USP3: variants seen among roughly 807,000 people sequenced by gnomAD.
USP3 encodes ubiquitin carboxyl-terminal hydrolase 3.
Under a neutral mutation model 72.3 loss-of-function variants are expected in USP3, and 20 were observed. The observed-to-expected ratio is 0.28, with a 90% confidence interval of 0.19 to 0.40. The LOEUF (loss-of-function observed/expected upper bound fraction) is 0.40, where lower values mean the gene tolerates loss of function less well. USP3 is among the 10% of genes least tolerant of loss of function. The pLI is 1.00. For synonymous variants in USP3, 222 were observed against 225.3 expected (o/e 0.99, Z 0.13); for missense variants, 479 against 633.9 (o/e 0.76, Z 2.62).
chr15:63,530,458 A>G (rs2066053754), intron 1 of USP3: 4 of 318,408 alleles, frequency 1.3e-5, no homozygotes, highest in South Asian at 9.2e-5. Flanking sequence ...GACTGTAGGC[A>G]CGTGCCACCA....
Position 63,594,447 on chromosome 15 carries a change from C to G in USP3, c.*3621C>G, listed in dbSNP as rs2067257042. 6.6e-6 allele frequency: 1 copy of G among 152,216 alleles called. No homozygotes were observed. Among genetic ancestry groups the G allele is most frequent in the Non-Finnish European group, 1.5e-5 (1 of 68,056 alleles). 9.4% of individuals were successfully genotyped at this position (152,216 alleles called of 1,614,324 possible). On this transcript the variant is annotated 3_prime_UTR_variant, in exon 15 of 15. Transcript: ENST00000380324. ...CCCTCAGGTGTGAGCGTGATGGACT[C>G]TAGACTGCCTTCCATGAGTGTTGGT...
intron 1 of USP3, among the ~76,000 whole-genome samples, chr15:63,531,509 G>A (rs1042899092): frequency 3.3e-5 from 5 of 152,152 alleles, no homozygotes; most frequent in Non-Finnish European, 7.4e-5. Context: ...ATCTTTGGGA[G>A]GAGCTATTAA....
At chr15:63,590,092 G>A (rs927702437) in intron 14 of USP3, among the ~76,000 whole-genome samples, 4 of 152,168 alleles carry the variant, frequency 2.6e-5, no homozygotes, top group African/African-American at 9.7e-5. Context: ...GATTTTGTAG[G>A]CGTGCAAAAG....
intron 1 of USP3, among the ~76,000 whole-genome samples, chr15:63,531,931 A>C (rs986064484): frequency 6.6e-6 from 1 of 152,180 alleles, no homozygotes; most frequent in Non-Finnish European, 1.5e-5. Context: ...GGTGTTTTCA[A>C]AAAGCTTTCC....
At position 63,592,550 on chromosome 15, in the gene USP3, G is replaced by A. The variant is rs1454083101; in HGVS notation, c.*1724G>A. Reference sequence around the variant, plus strand: ...TGTAGCCTCAACCTCCCAGGCTCAAGCGATCCTCCCACTTCAGCCTCGAAG... The same window carrying A: ...TGTAGCCTCAACCTCCCAGGCTCAAACGATCCTCCCACTTCAGCCTCGAAG... On this transcript the variant is annotated 3_prime_UTR_variant, in exon 15 of 15. Coordinates refer to ENST00000380324, the MANE Select transcript of USP3 (RefSeq NM_006537.4). 1 of 150,864 alleles carries A rather than the reference G, an allele frequency of 6.6e-6. No individual in the cohort carries two copies. The highest frequency in any genetic ancestry group is 2.4e-5 in the African/African-American group (1 of 40,912). 9.3% of individuals were successfully genotyped at this position (150,864 alleles called of 1,614,324 possible). A position where few individuals can be genotyped will look rare whatever the true frequency, so the allele number is the denominator to read the frequency against.
intron 3 of USP3, among the ~76,000 whole-genome samples, chr15:63,545,963 C>T (rs772621294): frequency 1.0e-3 from 80 of 77,260 alleles, no homozygotes; most frequent in Non-Finnish European, 1.4e-3. Flanking sequence ...AGAGCCAGAC[C>T]TTGTCTCAAA....
chr15:63,516,445 C>T (rs2065851508), intron 1 of USP3, among the ~76,000 whole-genome samples: 1 of 152,104 alleles, frequency 6.6e-6, no homozygotes, highest in African/African-American at 2.4e-5. Flanking sequence ...TGGAGTACAT[C>T]AAGCTCCTTT....
chr15:63,565,550 A>G (rs945452553), intron 8 of USP3, among the ~76,000 whole-genome samples: 6 of 152,200 alleles, frequency 3.9e-5, no homozygotes, highest in African/African-American at 1.4e-4. Flanking sequence ...TTCCCTAGCC[A>G]TTCATTCTGT....
chr15:63,555,147 G>A (rs1171525417), intron 4 of USP3, among the ~76,000 whole-genome samples: 2 of 152,106 alleles, frequency 1.3e-5, no homozygotes, highest in African/African-American at 4.8e-5. Context: ...TCAGATGAAA[G>A]GTGTCACAGA....
At chr15:63,513,188 C>G (rs1255569679) in intron 1 of USP3, among the ~76,000 whole-genome samples, 1 of 152,124 alleles carries the variant, frequency 6.6e-6, no homozygotes, top group Non-Finnish European at 1.5e-5. Context: ...GCCTGTTTAT[C>G]CTTCACCCAC....
At chr15:63,546,840 C>T (rs984722699) in intron 3 of USP3, among the ~76,000 whole-genome samples, 30 of 152,102 alleles carry the variant, frequency 2.0e-4, no homozygotes, top group African/African-American at 7.0e-4. Context: ...AGTCTCCTGA[C>T]CTCGTGATCT....
chr15:63,556,857 G>T, intron 5 of USP3, 109 bp downstream of exon 5: 3 of 835,330 alleles, frequency 3.6e-6, no homozygotes, highest in Non-Finnish European at 5.5e-6. Context: ...ATAAATGTGT[G>T]TCTTGGATTT....
chr15:63,590,778 C>T lies in USP3; in HGVS notation c.1515C>T (p.Ile505=), dbSNP rs757457461. The change falls in exon 15 of 15, where the codon ATC becomes ATT. Residue 505 remains isoleucine, a synonymous_variant. Transcript: ENST00000380324. ...EETVVKAKAY[I]LFYVEHQAKA... Reference sequence around the variant, plus strand: ...CTGTGGTGAAGGCGAAGGCCTACATCCTTTTCTACGTGGAACACCAGGCCA... The same window carrying T: ...CTGTGGTGAAGGCGAAGGCCTACATTCTTTTCTACGTGGAACACCAGGCCA... 20 of 1,613,992 alleles carry T rather than the reference C, an allele frequency of 1.2e-5. No homozygotes were observed. In the South Asian group the frequency reaches 1.5e-4, roughly 12 times the overall value.
chr15:63,544,856 T>C lies in USP3; in HGVS notation c.284+7700T>C. The C allele has an allele frequency of 1.6e-6, 1 of 631,576 alleles. No homozygotes were observed. The highest frequency in any genetic ancestry group is 1.8e-5 in the South Asian group (1 of 55,248). 39.1% of individuals were successfully genotyped at this position (631,576 alleles called of 1,614,324 possible). On this transcript the variant is annotated intron_variant, in intron 3 of 14. Transcript: ENST00000380324. This position sits in a 1 kb window ranked among gnomAD's most constrained non-coding sequence, Gnocchi z 4.2. ...GAATATCTAAGCAAGGCTGACATTG[T>C]GGGGACCATCAAATACTATACTTAG...
Position 63,559,982 on chromosome 15 carries a change from G to C in USP3, c.647+12G>C. The stretch of plus-strand genomic sequence containing the variant: ...GGGGATAACAATGTGTGAGTTATAA[G>C]AGTATGTCCTTTCTGGCTTTGAGTT... On this transcript the variant is annotated intron_variant, in intron 7 of 14. Transcript: ENST00000380324. The C allele has an allele frequency of 1.2e-6, 2 of 1,605,440 alleles. No individual in the cohort carries two copies. Among genetic ancestry groups the C allele is most frequent in the Non-Finnish European group, 1.7e-6 (2 of 1,175,892 alleles).
In USP3 at chr15:63,517,112, A is replaced by G. The variant is rs2065860325; in HGVS notation, c.91+12282A>G. On this transcript the variant is annotated intron_variant, in intron 1 of 14. Transcript: ENST00000380324. Reference sequence around the variant, plus strand: ...ATGTGCAGGTAAGTTATATATGTATACATGTGCCATGTTGGTGTGCTGCAC... The same window carrying G: ...ATGTGCAGGTAAGTTATATATGTATGCATGTGCCATGTTGGTGTGCTGCAC... Among the ~76,000 whole-genome samples, 3 of 151,944 alleles carry G rather than the reference A, an allele frequency of 2.0e-5. 1 individual carries two copies. In the South Asian group the frequency reaches 6.2e-4, roughly 31 times the overall value.
intron 11 of USP3, among the ~76,000 whole-genome samples, chr15:63,580,674 T>TATATATATATGAATATATA (rs1566917047): frequency 1.5e-5 from 2 of 131,164 alleles, no homozygotes; most frequent in African/African-American, 6.2e-5. Context: ...TATATATGAA[T>TATATATATATGAATATATA]ATATAATATA....
intron 1 of USP3, among the ~76,000 whole-genome samples, chr15:63,520,059 C>G (rs2065899500): frequency 6.6e-6 from 1 of 152,118 alleles, no homozygotes; most frequent in South Asian, 2.1e-4. Context: ...GCCATTTCTC[C>G]AAGTAGCCCT....
intron 1 of USP3, 27 bp downstream of exon 1, chr15:63,504,857 C>T: frequency 1.3e-6 from 2 of 1,556,438 alleles, no homozygotes; most frequent in Non-Finnish European, 8.7e-7. Flanking sequence ...GCCGGCCCCG[C>T]AGCGCACCCG....
Sources: gnomAD v4.1 joint callset for allele counts (sites outside exome capture counted in the v4.1 genomes callset) on GRCh38, gnomAD v4.1.1 for gene constraint, Gnocchi (gnomAD v3.1) non-coding constraint, MANE v1.5 for transcripts, NCBI Gene and HGNC (gene_info 2026-07-23, HGNC 2026-07-21) for gene names.